The following RAB27A variants were observed in gnomAD, a reference collection of about 807,000 sequenced individuals.
RAB27A encodes ras-related protein Rab-27A.
RAB27A carries 17 observed loss-of-function variants against 20.8 expected under a neutral mutation model. The ratio of observed to expected loss-of-function variants is 0.82; its 90% confidence interval spans 0.56 to 1.23. The LOEUF is 1.23. RAB27A is among the 50% of genes most tolerant of loss of function. The pLI is 0.00. For synonymous variants in RAB27A, 85 were observed against 92.8 expected (o/e 0.92, Z 0.48); for missense variants, 277 against 266.7 (o/e 1.04, Z -0.27).
chr15:55,272,831 T>G (rs1897748464), intron 1 of RAB27A, among the ~76,000 whole-genome samples: 2 of 152,160 alleles, frequency 1.3e-5, no homozygotes, highest in African/African-American at 4.8e-5. Flanking sequence ...GAAAGCTGAC[T>G]CTTTATCTGC....
Position 55,245,290 on chromosome 15 carries a change from G to A in RAB27A, c.-22-10334C>T, listed in dbSNP as rs190086607. Among the ~76,000 whole-genome samples, 122 of 152,264 alleles carry A rather than the reference G, an allele frequency of 8.0e-4. 2 individuals carry two copies. The highest frequency in any genetic ancestry group is 2.6e-3 in the African/African-American group (108 of 41,542). On this transcript the variant is annotated intron_variant, in intron 2 of 6. Transcript: ENST00000336787. ...ATCTCAACTTCTGGTCTAGATGTGC[G>A]TAGATATGGTTGCGCCCTCCCTAAT...
chr15:55,227,213 A>G (rs773317312), intron 5 of RAB27A, among the ~76,000 whole-genome samples: 1 of 152,248 alleles, frequency 6.6e-6, no homozygotes, highest in Non-Finnish European at 1.5e-5. Flanking sequence ...TAGCCAGGAT[A>G]GGCAATATTT....
intron 2 of RAB27A, among the ~76,000 whole-genome samples, chr15:55,297,328 C>T (rs1473530524): frequency 1.3e-5 from 2 of 152,246 alleles, no homozygotes; most frequent in African/African-American, 4.8e-5. Flanking sequence ...GCATGAAGGA[C>T]ATGAGAGAAT....
chr15:55,264,792 T>C (rs1033568283), intron 2 of RAB27A, among the ~76,000 whole-genome samples: 6 of 152,258 alleles, frequency 3.9e-5, no homozygotes, highest in South Asian at 2.1e-4. Context: ...ATTCATTCAG[T>C]CATTTAAGCA....
chr15:55,256,691 A>G (rs28688117), intron 2 of RAB27A, among the ~76,000 whole-genome samples: 5,046 of 152,298 alleles, frequency 0.033, 295 homozygotes, highest in African/African-American at 0.12. Context: ...AATGTGACAA[A>G]TTGAGGAGAG....
At chr15:55,229,406 T>C (rs1007390947) in intron 4 of RAB27A, among the ~76,000 whole-genome samples, 1 of 152,236 alleles carries the variant, frequency 6.6e-6, no homozygotes, top group Non-Finnish European at 1.5e-5. Flanking sequence ...CCAGGGGCCA[T>C]GGCTCACACC....
upstream of RAB27A, among the ~76,000 whole-genome samples, chr15:55,290,848 A>G (rs747465873): frequency 1.9e-4 from 29 of 152,186 alleles, no homozygotes; most frequent in Non-Finnish European, 3.2e-4. Flanking sequence ...GCAGAGTAAA[A>G]TGTTGAGAAG....
intron 1 of RAB27A, among the ~76,000 whole-genome samples, chr15:55,284,033 G>A (rs1286344352): frequency 2.0e-5 from 3 of 152,154 alleles, no homozygotes; most frequent in Non-Finnish European, 1.5e-5. Context: ...TTATTATTAT[G>A]CTTTGACCTG....
chr15:55,279,478 A>T (rs2141117379), intron 1 of RAB27A, among the ~76,000 whole-genome samples: 2 of 152,342 alleles, frequency 1.3e-5, no homozygotes, highest in Middle Eastern at 6.8e-3. Context: ...ATACACAATC[A>T]AGTTTGTAAG....
At chr15:55,207,911 C>A (rs949197768) in intron 6 of RAB27A, among the ~76,000 whole-genome samples, 4 of 152,164 alleles carry the variant, frequency 2.6e-5, no homozygotes, top group Non-Finnish European at 5.9e-5. Context: ...TCTGCCTCCA[C>A]TCCCAAAGTG....
chr15:55,278,236 C>T (rs998469697), intron 1 of RAB27A, among the ~76,000 whole-genome samples: 10 of 152,170 alleles, frequency 6.6e-5, no homozygotes, highest in Admixed American at 5.9e-4. Context: ...TTTAATAGTT[C>T]AACATTTCTG....
intron 2 of RAB27A, among the ~76,000 whole-genome samples, chr15:55,300,027 A>G (rs867184587): frequency 3.3e-5 from 5 of 151,936 alleles, no homozygotes; most frequent in Non-Finnish European, 7.4e-5. Flanking sequence ...TTACCACGTT[A>G]GCCAGGATGG....
chr15:55,258,366 A>G (rs1163405376), intron 2 of RAB27A, among the ~76,000 whole-genome samples: 1 of 152,178 alleles, frequency 6.6e-6, no homozygotes, highest in South Asian at 2.1e-4. Flanking sequence ...TTGCTTTCCA[A>G]CCTTGTTCAT....
intron 5 of RAB27A, 132 bp downstream of exon 5, chr15:55,228,477 C>T: frequency 1.4e-6 from 1 of 737,630 alleles, no homozygotes; most frequent in Non-Finnish European, 2.4e-6. Flanking sequence ...AAACTAAAAA[C>T]CTTGCTCCTT....
upstream of RAB27A, among the ~76,000 whole-genome samples, chr15:55,294,431 T>C (rs1384814019): frequency 3.3e-5 from 5 of 151,132 alleles, no homozygotes; most frequent in Non-Finnish European, 7.4e-5. Flanking sequence ...CTACTAAAAA[T>C]AGAAAAATTA....
chr15:55,209,245 T>C (rs1489292449), intron 6 of RAB27A, among the ~76,000 whole-genome samples: 1 of 152,162 alleles, frequency 6.6e-6, no homozygotes, highest in Admixed American at 6.5e-5. Context: ...ATTTCTTCTA[T>C]CAAACCATAT....
At chr15:55,307,328 C>A (rs2055001148) in intron 2 of RAB27A, among the ~76,000 whole-genome samples, 1 of 151,968 alleles carries the variant, frequency 6.6e-6, no homozygotes, top group Non-Finnish European at 1.5e-5. Context: ...TCTGTATGGG[C>A]TAAGTCCTGC....
intron 2 of RAB27A, among the ~76,000 whole-genome samples, chr15:55,309,200 C>A (rs1279023748): frequency 6.6e-6 from 1 of 152,136 alleles, no homozygotes; most frequent in African/African-American, 2.4e-5. Flanking sequence ...AATCCATATT[C>A]GACAGAAACC....
chr15:55,318,377 G>A (rs1327253993), intron 1 of RAB27A, among the ~76,000 whole-genome samples: 1 of 150,170 alleles, frequency 6.7e-6, no homozygotes, highest in Non-Finnish European at 1.5e-5. Context: ...GAATACAGGC[G>A]TGAGCCACCG....
Sources: gnomAD v4.1 joint callset for allele counts (sites outside exome capture counted in the v4.1 genomes callset) on GRCh38, gnomAD v4.1.1 for gene constraint, MANE v1.5 for transcripts, NCBI Gene and HGNC (gene_info 2026-07-23, HGNC 2026-07-21) for gene names.